The following HDAC9 variants were observed in gnomAD, a reference collection of about 807,000 sequenced individuals.
The protein encoded by HDAC9 is MEF-2 interacting transcription repressor (MITR) protein.
In HDAC9, 41 loss-of-function variants were observed where a neutral mutation model predicts 139.4. That is an observed-to-expected ratio of 0.29 (90% CI 0.23 to 0.38). The LOEUF is 0.38. HDAC9 is among the 10% of genes least tolerant of loss of function. HDAC9 has a pLI of 1.00. For synonymous variants in HDAC9, 517 were observed against 476.2 expected, an observed-to-expected ratio of 1.09 and a Z score of -1.12; for missense variants, 1,147 against 1,297.0, an observed-to-expected ratio of 0.88 and a Z score of 1.78.
chr7:18,617,709 G>T (rs1439741433), intron 6 of HDAC9, among the ~76,000 whole-genome samples: 1 of 152,132 alleles, frequency 6.6e-6, no homozygotes, highest in East Asian at 1.9e-4. Flanking sequence ...CTTGAGGACA[G>T]TATCTTTAGC....
In HDAC9 at chr7:18,765,599, C is replaced by T. The variant is rs1789765038; in HGVS notation, c.2165-1507C>T. ...TAGCCTAAGCAACAGAGTGAGACTC[C>T]ATCTCAAAAAAAAATTAACTTACTA... On this transcript the variant is annotated intron_variant, in intron 15 of 25. Transcript: ENST00000686413. Among the ~76,000 whole-genome samples, 3 of 151,794 alleles carry T rather than the reference C, an allele frequency of 2.0e-5. No individual in the cohort carries two copies. In the South Asian group the frequency reaches 6.2e-4, roughly 32 times the overall value.
chr7:18,284,400 A>G (rs1022021256), intron 2 of HDAC9, among the ~76,000 whole-genome samples: 12 of 152,156 alleles, frequency 7.9e-5, no homozygotes, highest in Non-Finnish European at 1.6e-4. Flanking sequence ...TTGGTTGAGA[A>G]AATATAGGCT....
intron 22 of HDAC9, among the ~76,000 whole-genome samples, chr7:18,918,947 T>A (rs1054641478): frequency 1.3e-5 from 2 of 152,054 alleles, no homozygotes; most frequent in African/African-American, 4.8e-5. Context: ...GTTGCTTTTG[T>A]TTAGTAATAT....
intron 2 of HDAC9, among the ~76,000 whole-genome samples, chr7:18,206,190 A>C (rs1241038790): frequency 6.6e-6 from 1 of 152,116 alleles, no homozygotes; most frequent in Non-Finnish European, 1.5e-5. Flanking sequence ...TCATTTTTGG[A>C]ATGTTAATTG....
chr7:18,331,068 T>G (rs890367934), intron 1 of HDAC9, among the ~76,000 whole-genome samples: 1 of 151,682 alleles, frequency 6.6e-6, no homozygotes. Context: ...GGGAAACTGA[T>G]CATAGGTTTT....
intron 1 of HDAC9, among the ~76,000 whole-genome samples, chr7:18,376,917 T>G (rs1785035585): frequency 6.6e-6 from 1 of 152,172 alleles, no homozygotes; most frequent in South Asian, 2.1e-4. Flanking sequence ...ATCCAGTTTA[T>G]GTTATTTTAT....
chr7:18,166,201 G>T (rs754833552), intron 2 of HDAC9, among the ~76,000 whole-genome samples: 1 of 152,142 alleles, frequency 6.6e-6, no homozygotes. Flanking sequence ...GCAATGCTCT[G>T]GCCTTGTGGG....
At chr7:18,353,126 A>G (rs1206902113) in intron 1 of HDAC9, among the ~76,000 whole-genome samples, 1 of 152,298 alleles carries the variant, frequency 6.6e-6, no homozygotes, top group Non-Finnish European at 1.5e-5. Context: ...AAGAATGCTT[A>G]ATTAGCTATA....
intron 1 of HDAC9, among the ~76,000 whole-genome samples, chr7:18,473,883 A>G (rs1367848808): frequency 6.6e-6 from 1 of 152,234 alleles, no homozygotes; most frequent in East Asian, 1.9e-4. Context: ...GCATTATATT[A>G]GCTGTACAGT....
chr7:18,699,989 G>T (rs894311036), intron 12 of HDAC9, among the ~76,000 whole-genome samples: 6 of 151,722 alleles, frequency 4.0e-5, no homozygotes, highest in South Asian at 4.1e-4. Flanking sequence ...GTTCCTAAAT[G>T]TTCCTCAAAG....
intron 2 of HDAC9, among the ~76,000 whole-genome samples, chr7:18,184,272 C>T (rs1789734064): frequency 6.6e-6 from 1 of 152,056 alleles, no homozygotes. Context: ...GCGGCACATG[C>T]CTGTAATTCC....
chr7:18,664,348 G>A (rs547179964), intron 11 of HDAC9, among the ~76,000 whole-genome samples: 17 of 152,178 alleles, frequency 1.1e-4, no homozygotes, highest in Non-Finnish European at 2.4e-4. Flanking sequence ...GTTTTGATTG[G>A]TATATGTTTT....
rs527550268 is a variant in HDAC9 at position 18,794,737 on chromosome 7, T to C, written c.2322+1285T>C. ...AATTCTTCCTATTTGAGTGCTTGTGTTGTACTTGCACCACTGCAATAAATT... is the reference window on the plus strand; with the variant it reads ...AATTCTTCCTATTTGAGTGCTTGTGCTGTACTTGCACCACTGCAATAAATT... On this transcript the variant is annotated intron_variant, in intron 17 of 25. Coordinates refer to ENST00000686413, the MANE Select transcript of HDAC9 (RefSeq NM_178425.4). 2.0e-5 allele frequency among the ~76,000 whole-genome samples: 3 copies of C among 152,358 alleles called. No homozygotes were observed. In the East Asian group the frequency reaches 5.8e-4, roughly 29 times the overall value.
At chr7:18,441,001 G>C (rs953544932) in intron 1 of HDAC9, among the ~76,000 whole-genome samples, 1 of 152,150 alleles carries the variant, frequency 6.6e-6, no homozygotes, top group Non-Finnish European at 1.5e-5. Flanking sequence ...TTGGCTTCTA[G>C]TTCCAGATTT....
At chr7:18,136,806 T>G (rs1384766125) in intron 1 of HDAC9, among the ~76,000 whole-genome samples, 1 of 151,636 alleles carries the variant, frequency 6.6e-6, no homozygotes, top group Admixed American at 6.6e-5. Flanking sequence ...TGGTTCCATA[T>G]GAACTTTAAA....
chr7:18,456,994 C>T (rs993369023), intron 1 of HDAC9, among the ~76,000 whole-genome samples: 2 of 152,126 alleles, frequency 1.3e-5, no homozygotes, highest in Non-Finnish European at 2.9e-5. Context: ...AGTTTTGCTA[C>T]AAATTGTGTT....
chr7:18,895,146 T>A (rs1403502625), intron 22 of HDAC9, among the ~76,000 whole-genome samples: 1 of 152,102 alleles, frequency 6.6e-6, no homozygotes, highest in Non-Finnish European at 1.5e-5. Context: ...AAATTTCACA[T>A]ATAACTTTAA....
At chr7:18,819,272 T>G (rs1794790667) in intron 17 of HDAC9, among the ~76,000 whole-genome samples, 2 of 152,120 alleles carry the variant, frequency 1.3e-5, no homozygotes, top group South Asian at 4.1e-4. Flanking sequence ...AGAGCGAGAC[T>G]CCATCTAAAA....
At chr7:18,995,316 CTTT>C (rs1786375554) in intron 25 of HDAC9, among the ~76,000 whole-genome samples, 1 of 152,156 alleles carries the variant, frequency 6.6e-6, no homozygotes, top group South Asian at 2.1e-4. Flanking sequence ...ACAATTTATT[CTTT>C]TGAGTAAATT....
Sources: gnomAD v4.1 joint callset for allele counts (sites outside exome capture counted in the v4.1 genomes callset) on GRCh38, gnomAD v4.1.1 for gene constraint, MANE v1.5 for transcripts, NCBI Gene and HGNC (gene_info 2026-07-23, HGNC 2026-07-21) for gene names.